CSMD2: variants seen among roughly 807,000 people sequenced by gnomAD.
CSMD2 encodes the protein CUB and sushi domain-containing protein 2.
Under a neutral mutation model 398.5 loss-of-function variants are expected in CSMD2, and 130 were observed. The ratio of observed to expected loss-of-function variants is 0.33; its 90% confidence interval spans 0.28 to 0.38. CSMD2 has a LOEUF of 0.38. Ranked by LOEUF, CSMD2 falls within the 10% of genes least tolerant of loss-of-function variation. CSMD2 has a pLI of 1.00. For missense variants in CSMD2, 3,829 were observed against 4,764.9 expected, an observed-to-expected ratio of 0.80 and a Z score of 5.78; for synonymous variants, 1,828 against 1,908.5, an observed-to-expected ratio of 0.96 and a Z score of 1.10.
rs762248782 is a variant in CSMD2, at chr1:33,725,499, G to A, written c.2545C>T (p.Arg849Cys). ...TEVNYDTLEV[R>C]DGRTYSAPLI... is the part of the protein sequence containing the mutation. Reference sequence around the variant, plus strand: ...GGCGCTGAGTAAGTCCGCCCATCGCGTACTTCCAGGGTGTCATAGTTGACC... The same window carrying A: ...GGCGCTGAGTAAGTCCGCCCATCGCATACTTCCAGGGTGTCATAGTTGACC... Residue 849 changes from arginine (R) to cysteine (C), a missense_variant, in exon 17 of 71, where the codon CGC becomes TGC. Physicochemically the swap from Arg to Cys is radical, Grantham distance 180. Coordinates refer to ENST00000373381, the MANE Select transcript of CSMD2 (RefSeq NM_001281956.2). 5.0e-6 allele frequency: 8 copies of A among 1,614,080 alleles called. No homozygotes were observed. The highest frequency in any genetic ancestry group is 2.2e-5 in the South Asian group (2 of 91,090).
At chr1:33,826,358 A>G (rs898548373) in intron 6 of CSMD2, among the ~76,000 whole-genome samples, 1 of 152,150 alleles carries the variant, frequency 6.6e-6, no homozygotes, top group Non-Finnish European at 1.5e-5. Flanking sequence ...GGCCATGGGA[A>G]ATTTGGAGGC....
chr1:33,979,886 C>T (rs946473594), intron 3 of CSMD2, among the ~76,000 whole-genome samples: 1 of 152,168 alleles, frequency 6.6e-6, no homozygotes, highest in Non-Finnish European at 1.5e-5. Flanking sequence ...CAGTTTAGAG[C>T]AATGCCAGGC....
intron 5 of CSMD2, among the ~76,000 whole-genome samples, chr1:33,887,379 T>G (rs886808035): frequency 6.6e-6 from 1 of 152,204 alleles, no homozygotes; most frequent in African/African-American, 2.4e-5. Context: ...AATGAATATT[T>G]TGAGGTCAAG....
chr1:33,685,698 C>T (rs2149079690), intron 25 of CSMD2, among the ~76,000 whole-genome samples: 1 of 152,284 alleles, frequency 6.6e-6, no homozygotes, highest in Non-Finnish European at 1.5e-5. Context: ...CTCTCTTACC[C>T]CTAGCTGGAA....
chr1:33,895,980 T>C (rs1171574925), intron 5 of CSMD2, among the ~76,000 whole-genome samples: 1 of 152,134 alleles, frequency 6.6e-6, no homozygotes, highest in Non-Finnish European at 1.5e-5. Context: ...ACGGAAGCAG[T>C]GGCATCTCCC....
rs186634640 is a variant in CSMD2 at position 33,741,887 on chromosome 1, C to G, written c.2173+1393G>C. 3.5e-3 allele frequency among the ~76,000 whole-genome samples: 527 copies of G among 152,300 alleles called. 3 individuals carry two copies. Among genetic ancestry groups the G allele is most frequent in the African/African-American group, 0.012 (501 of 41,574 alleles). ...TGGATAAGTGTGCTCCCCAGGATAC[C>G]TTTTATCCTTGTTCTTCCTACTCCG... On this transcript the variant is annotated intron_variant, in intron 14 of 70. Transcript: ENST00000373381.
At chr1:34,050,736 A>G (rs144067425) in intron 2 of CSMD2, among the ~76,000 whole-genome samples, 17 of 152,330 alleles carry the variant, frequency 1.1e-4, no homozygotes, top group African/African-American at 3.8e-4. Context: ...CTAGTGACCA[A>G]CTGACAAAGT....
At chr1:33,913,266 C>G (rs1254252292) in intron 5 of CSMD2, among the ~76,000 whole-genome samples, 1 of 152,194 alleles carries the variant, frequency 6.6e-6, no homozygotes, top group African/African-American at 2.4e-5. Context: ...AGGACATCCT[C>G]CAGTCTCACC....
chr1:34,145,820 G>A (rs1002710035), intron 1 of CSMD2, among the ~76,000 whole-genome samples: 11 of 152,130 alleles, frequency 7.2e-5, no homozygotes, highest in African/African-American at 2.4e-4. Flanking sequence ...GGGACCAGAC[G>A]CCTGTTCTAC....
intron 32 of CSMD2, among the ~76,000 whole-genome samples, chr1:33,630,027 CTCTT>C (rs989343775): frequency 2.0e-5 from 3 of 151,980 alleles, no homozygotes; most frequent in Admixed American, 2.0e-4. Flanking sequence ...ACATCTTTCT[CTCTT>C]TCTCTCTCAC....
intron 5 of CSMD2, among the ~76,000 whole-genome samples, chr1:33,901,319 A>G (rs1395467938): frequency 6.6e-6 from 1 of 152,186 alleles, no homozygotes; most frequent in East Asian, 1.9e-4. Context: ...TGGCTGTGAG[A>G]AGGTGCTGAG....
intron 2 of CSMD2, among the ~76,000 whole-genome samples, chr1:34,065,877 T>A (rs1466710349): frequency 1.3e-5 from 2 of 152,116 alleles, no homozygotes; most frequent in Non-Finnish European, 2.9e-5. Context: ...GTTCAATGTG[T>A]GTATATTATG....
At chr1:34,116,307 T>C (rs1416808685) in intron 1 of CSMD2, among the ~76,000 whole-genome samples, 1 of 152,040 alleles carries the variant, frequency 6.6e-6, no homozygotes, top group Non-Finnish European at 1.5e-5. Flanking sequence ...AAAAAGATTT[T>C]TCATGCAAAT....
rs571280945 is a variant in CSMD2 at position 33,791,638 on chromosome 1, C to T, written c.1550+785G>A. Reference sequence around the variant, plus strand: ...GTAGCTGGGACTATACAGGCGTGCACCACCACATCCAGCTAATTTTTGAAT... The same window carrying T: ...GTAGCTGGGACTATACAGGCGTGCATCACCACATCCAGCTAATTTTTGAAT... On this transcript the variant is annotated intron_variant, in intron 11 of 70. Transcript: ENST00000373381. 1.2e-4 allele frequency among the ~76,000 whole-genome samples: 18 copies of T among 152,296 alleles called. No homozygotes were observed. In the South Asian group the frequency reaches 3.7e-3, roughly 32 times the overall value.
intron 3 of CSMD2, among the ~76,000 whole-genome samples, chr1:33,942,268 A>G (rs183720822): frequency 2.0e-3 from 299 of 152,354 alleles, no homozygotes; most frequent in Non-Finnish European, 3.4e-3. Context: ...GCAATAGGCC[A>G]TTCTTGCACA....
At chr1:33,590,595 TCACACACACACACACACA>T (rs10611040) in intron 44 of CSMD2, among the ~76,000 whole-genome samples, 19 of 137,728 alleles carry the variant, frequency 1.4e-4, no homozygotes, top group Admixed American at 7.3e-5. Flanking sequence ...CTATTTCCCA[TCACACACACACACACACA>T]CACACACACA....
intron 29 of CSMD2, among the ~76,000 whole-genome samples, chr1:33,641,595 T>C (rs1643110640): frequency 1.3e-5 from 2 of 152,184 alleles, no homozygotes; most frequent in South Asian, 4.1e-4. Context: ...CTCTGATCAA[T>C]GGTCTAATAG....
intron 26 of CSMD2, among the ~76,000 whole-genome samples, chr1:33,660,652 T>A (rs535347857): frequency 2.6e-5 from 4 of 152,348 alleles, no homozygotes; most frequent in South Asian, 2.1e-4. Flanking sequence ...CAGGCTGTCA[T>A]GACCTTTCTG....
intron 3 of CSMD2, among the ~76,000 whole-genome samples, chr1:34,023,692 C>T (rs971302313): frequency 2.0e-5 from 3 of 152,128 alleles, no homozygotes; most frequent in Non-Finnish European, 4.4e-5. Flanking sequence ...TTACTGAGTG[C>T]CTACTATGTG....
Sources: allele counts gnomAD v4.1 joint callset (sites outside exome capture counted in the v4.1 genomes callset), GRCh38; gene constraint gnomAD v4.1.1; transcripts MANE v1.5; gene names NCBI Gene and HGNC (gene_info 2026-07-23, HGNC 2026-07-21).